Variants in CLCN5 observed in about 807,000 individuals in gnomAD.
The protein encoded by CLCN5 is H(+)/Cl(-) exchange transporter 5.
Under a neutral mutation model 54.0 loss-of-function variants are expected in CLCN5, and 17 were observed. The observed-to-expected ratio is 0.31, with a 90% confidence interval of 0.22 to 0.47. The LOEUF is 0.47. Ranked by LOEUF, CLCN5 falls within the 20% of genes least tolerant of loss-of-function variation. The pLI is 1.00. For missense variants in CLCN5, 448 were observed against 646.7 expected (o/e 0.69, Z 3.33); for synonymous variants, 222 against 233.0 (o/e 0.95, Z 0.43).
chrX:50,073,882 A>G (rs1392791279), intron 6 of CLCN5, among the ~76,000 whole-genome samples: 1 of 111,943 alleles, frequency 8.9e-6, no homozygotes, highest in Non-Finnish European at 1.9e-5. Flanking sequence ...AATAGGAGAC[A>G]GACAGGATTT....
chrX:50,014,409 G>C (rs1557183153), intron 3 of CLCN5, among the ~76,000 whole-genome samples: 2 of 112,224 alleles, frequency 1.8e-5, no homozygotes, highest in African/African-American at 6.5e-5. Flanking sequence ...ATGTGTAGGA[G>C]ACTTGACTTT....
chrX:50,013,775 G>T (rs782388039), intron 3 of CLCN5, among the ~76,000 whole-genome samples: 3 of 112,340 alleles, frequency 2.7e-5, no homozygotes, highest in Non-Finnish European at 5.6e-5. Flanking sequence ...AGTGCAATGG[G>T]CTTGTGCAAG....
chrX:49,942,531 C>G (rs1190390489), intron 3 of CLCN5, among the ~76,000 whole-genome samples: 1 of 108,223 alleles, frequency 9.2e-6, no homozygotes, highest in African/African-American at 3.4e-5. Context: ...TTAGGTATAC[C>G]TCCTAATGGT....
intron 9 of CLCN5, among the ~76,000 whole-genome samples, chrX:50,085,069 A>G (rs1602127428): frequency 9.0e-6 from 1 of 111,170 alleles, no homozygotes; most frequent in East Asian, 2.8e-4. Context: ...GAGCCATCCT[A>G]CTCTTCCAGA....
At chrX:49,990,390 C>T (rs1929198872) in intron 3 of CLCN5, among the ~76,000 whole-genome samples, 1 of 109,282 alleles carries the variant, frequency 9.2e-6, no homozygotes, top group African/African-American at 3.3e-5. Flanking sequence ...AGTCTTTTAT[C>T]CCTCACTCCC....
In CLCN5 at chrX:50,069,526, T is replaced by C. The variant is rs1006212891; in HGVS notation, c.164-353T>C. 6 of 772,376 alleles carry C rather than the reference T, an allele frequency of 7.8e-6. No homozygotes were observed. The African/African-American group carries it at 1.4e-4, about 18-fold the overall frequency. The allele number at this position is 772,376 out of a possible 1,213,427, so 63.7% of individuals were successfully genotyped here. A position where few individuals can be genotyped will look rare whatever the true frequency, so the allele number is the denominator to read the frequency against. On this transcript the variant is annotated intron_variant, in intron 4 of 14. Coordinates refer to ENST00000376091, the MANE Select transcript of CLCN5 (RefSeq NM_001127898.4). ...TGATGTGATATGGCTGCAAGTGCCTTTGACCCTTTTGTCTCCCTTCCATAA... is the reference window on the plus strand; with the variant it reads ...TGATGTGATATGGCTGCAAGTGCCTCTGACCCTTTTGTCTCCCTTCCATAA...
chrX:50,072,476 C>T lies in CLCN5; in HGVS notation c.316-13C>T. ...TGTGTAGAGTGTACCAATGTTTTCT[C>T]ATTTTCCCCTAGATTACCAATAAAA... On this transcript the variant is annotated splice_polypyrimidine_tract_variant and intron_variant, in intron 5 of 14. Coordinates refer to ENST00000376091, the MANE Select transcript of CLCN5 (RefSeq NM_001127898.4). The T allele has an allele frequency of 8.8e-7, 1 of 1,137,980 alleles. No individual in the cohort carries two copies. Among genetic ancestry groups the T allele is most frequent in the Middle Eastern group, 2.4e-4 (1 of 4,190 alleles). 93.8% of individuals were successfully genotyped at this position (1,137,980 alleles called of 1,213,427 possible). A position where few individuals can be genotyped will look rare whatever the true frequency, so the allele number is the denominator to read the frequency against.
intron 3 of CLCN5, among the ~76,000 whole-genome samples, chrX:50,002,272 T>A (rs188590614): frequency 8.4e-4 from 93 of 111,037 alleles, no homozygotes; most frequent in African/African-American, 3.0e-3. Flanking sequence ...CCCGAATGTC[T>A]AATAAGTATC....
At chrX:50,085,919 T>A (rs1557193790) in intron 9 of CLCN5, 61 bp from the exon 10 acceptor site, 2 of 879,298 alleles carry the variant, frequency 2.3e-6, no homozygotes, top group African/African-American at 2.0e-5. Flanking sequence ...TCTAAAAATG[T>A]GATTGAGTGA....
chrX:50,065,348 G>A (rs1430135034), intron 4 of CLCN5, among the ~76,000 whole-genome samples: 27 of 74,409 alleles, frequency 3.6e-4, no homozygotes, highest in Admixed American at 1.9e-3. Flanking sequence ...AAAAGTGGGC[G>A]AAGGACATGA....
At chrX:49,978,220 G>A (rs782626289) in intron 3 of CLCN5, among the ~76,000 whole-genome samples, 2 of 111,877 alleles carry the variant, frequency 1.8e-5, no homozygotes, top group African/African-American at 6.5e-5. Flanking sequence ...GCCTGTGTGT[G>A]CAGGGTTTAA....
At chrX:49,932,097 G>GT (rs1379069289) in intron 3 of CLCN5, among the ~76,000 whole-genome samples, 2 of 111,311 alleles carry the variant, frequency 1.8e-5, no homozygotes, top group African/African-American at 6.5e-5. Flanking sequence ...TGTAGTGTTT[G>GT]TAGAGACAGG....
At chrX:50,050,957 T>C (rs1322969541) in intron 4 of CLCN5, among the ~76,000 whole-genome samples, 2 of 111,362 alleles carry the variant, frequency 1.8e-5, no homozygotes, top group East Asian at 5.6e-4. Flanking sequence ...CCACTGCGCC[T>C]GGCCGTGGCT....
intron 14 of CLCN5, 147 bp from the exon 15 acceptor site, chrX:50,091,982 G>A: frequency 2.0e-6 from 1 of 497,831 alleles, no homozygotes; most frequent in Non-Finnish European, 3.6e-6. Context: ...TGGGGCACAT[G>A]TCCTACTCCT....
chrX:50,086,124 G>C (rs782345217), intron 10 of CLCN5, 64 bp downstream of exon 10: 5 of 966,257 alleles, frequency 5.2e-6, no homozygotes, highest in Middle Eastern at 2.6e-4. Flanking sequence ...ACATTGCAGC[G>C]CAATAATTTT....
intron 3 of CLCN5, among the ~76,000 whole-genome samples, chrX:49,947,175 G>C (rs1557172271): frequency 9.0e-6 from 1 of 111,517 alleles, no homozygotes; most frequent in African/African-American, 3.3e-5. Flanking sequence ...GGGTAAGGCT[G>C]CTCTAACAGC....
intron 4 of CLCN5, among the ~76,000 whole-genome samples, chrX:50,047,633 G>A (rs1932439421): frequency 1.8e-5 from 2 of 111,293 alleles, no homozygotes; most frequent in East Asian, 5.6e-4. Flanking sequence ...GTCTCATCCA[G>A]GATACTATAT....
intron 4 of CLCN5, chrX:50,069,629 G>T: frequency 1.1e-6 from 1 of 900,082 alleles, no homozygotes; most frequent in African/African-American, 2.1e-5. Context: ...ATCAACTCCT[G>T]TCTCTCTTTG....
At chrX:50,003,791 A>T (rs1930007368) in intron 3 of CLCN5, among the ~76,000 whole-genome samples, 1 of 107,002 alleles carries the variant, frequency 9.3e-6, no homozygotes, top group Non-Finnish European at 1.9e-5. Context: ...ATACTCAGGG[A>T]TAGGCACAGC....
Sources: allele counts gnomAD v4.1 joint callset (sites outside exome capture counted in the v4.1 genomes callset), GRCh38; gene constraint gnomAD v4.1.1; transcripts MANE v1.5; gene names NCBI Gene and HGNC (gene_info 2026-07-23, HGNC 2026-07-21).